Variants in EIF3M observed in about 807,000 individuals in gnomAD.
The protein encoded by EIF3M is eukaryotic translation initiation factor 3 subunit M, also known as B5 receptor.
Under a neutral mutation model 49.7 loss-of-function variants are expected in EIF3M, and 25 were observed. The observed-to-expected ratio is 0.50, with a 90% confidence interval of 0.37 to 0.70. The LOEUF is 0.70. Among genes scored for constraint, EIF3M ranks in the 30% least tolerant of loss-of-function variants. The pLI, the probability that EIF3M is intolerant of heterozygous loss-of-function variation, is 0.00. For missense variants in EIF3M, 350 were observed against 440.0 expected (o/e 0.80, Z 1.83); for synonymous variants, 156 against 149.8 (o/e 1.04, Z -0.30).
intron 8 of EIF3M, among the ~76,000 whole-genome samples, chr11:32,596,272 TAGAA>T (rs777993003): frequency 7.2e-5 from 11 of 151,952 alleles, no homozygotes; most frequent in Non-Finnish European, 1.3e-4. Flanking sequence ...GCATTTGTGA[TAGAA>T]AGAGAATGAA....
chr11:32,599,028 A>G (rs990723668), intron 8 of EIF3M, among the ~76,000 whole-genome samples: 1 of 151,996 alleles, frequency 6.6e-6, no homozygotes, highest in African/African-American at 2.4e-5. Flanking sequence ...TAATGTGTAT[A>G]TTTTTTATTT....
chr11:32,586,265 G>T (rs1364844097), intron 1 of EIF3M, among the ~76,000 whole-genome samples: 3 of 151,914 alleles, frequency 2.0e-5, no homozygotes, highest in African/African-American at 7.3e-5. Flanking sequence ...AAAAAAAACT[G>T]CGTTTGTTTG....
intron 5 of EIF3M, among the ~76,000 whole-genome samples, chr11:32,590,886 T>C (rs1855089790): frequency 6.6e-6 from 1 of 152,052 alleles, no homozygotes; most frequent in African/African-American, 2.4e-5. Flanking sequence ...AGTCTTGCTC[T>C]GTCGCCCAGG....
rs1365194729 is a variant in EIF3M at position 32,604,800 on chromosome 11, G to C, written c.*2401G>C. ...ATCTTTTTCAATTTGACCAGTAAAA[G>C]TGGCATGTTAGTAACATTGTCATTT... On this transcript the variant is annotated 3_prime_UTR_variant, in exon 11 of 11. Coordinates refer to ENST00000531120, the MANE Select transcript of EIF3M (RefSeq NM_006360.6). 6.6e-6 allele frequency: 1 copy of C among 152,194 alleles called. No individual in the cohort carries two copies. The highest frequency in any genetic ancestry group is 1.5e-5 in the Non-Finnish European group (1 of 68,028). The allele number at this position is 152,194 out of a possible 1,614,324, so 9.4% of individuals were successfully genotyped here.
At chr11:32,590,930 G>A (rs12277746) in intron 5 of EIF3M, among the ~76,000 whole-genome samples, 1,579 of 151,708 alleles carry the variant, frequency 0.01, 26 homozygotes, top group African/African-American at 0.036. Context: ...AGCTCACTGC[G>A]AGCTCCACCT....
chr11:32,588,818 GA>G (rs1324072113), intron 3 of EIF3M, 86 bp downstream of exon 3: 36 of 1,582,014 alleles, frequency 2.3e-5, no homozygotes, highest in South Asian at 1.6e-4. Context: ...AGGAATTCTG[GA>G]ACTTGACTCT....
chr11:32,600,677 TC>T lies in EIF3M; in HGVS notation c.800-11del. The T allele has an allele frequency of 6.2e-7, 1 of 1,601,474 alleles. No individual in the cohort carries two copies. Among genetic ancestry groups the T allele is most frequent in the Non-Finnish European group, 8.5e-7 (1 of 1,174,290 alleles). ...ATGAACACTCATCAGGCTTCACTAT[TC>T]TGTTTTCTAGGCCTGTTACATGAAC... is the stretch of plus-strand genomic sequence containing the variant. On this transcript the variant is annotated splice_polypyrimidine_tract_variant and intron_variant, in intron 8 of 10. Coordinates refer to ENST00000531120, the MANE Select transcript of EIF3M (RefSeq NM_006360.6).
chr11:32,591,346 A>T (rs1243318017), intron 5 of EIF3M, among the ~76,000 whole-genome samples: 2 of 152,212 alleles, frequency 1.3e-5, no homozygotes, highest in African/African-American at 4.8e-5. Flanking sequence ...GTGGTTTTTT[A>T]AAAGTTTTTC....
intron 4 of EIF3M, among the ~76,000 whole-genome samples, 190 bp from the exon 5 acceptor site, chr11:32,589,357 G>A (rs1855057531): frequency 6.6e-6 from 1 of 152,010 alleles, no homozygotes; most frequent in African/African-American, 2.4e-5. Flanking sequence ...TGTATTTTTA[G>A]TAGAGACGGG....
chr11:32,593,770 A>T (rs1341934645), intron 5 of EIF3M, 96 bp from the exon 6 acceptor site: 2 of 768,832 alleles, frequency 2.6e-6, no homozygotes, highest in African/African-American at 3.7e-5. Flanking sequence ...AGTCACCGTT[A>T]TAATGTCATC....
chr11:32,601,501 T>TAAAAA (rs60498109), intron 9 of EIF3M: 3 of 217,266 alleles, frequency 1.4e-5, no homozygotes, highest in East Asian at 1.1e-4. Context: ...TAGCATTCTT[T>TAAAAA]AAAAAAAAAA....
At chr11:32,584,170 A>G (rs1220603436) in intron 1 of EIF3M, 2 of 579,960 alleles carry the variant, frequency 3.4e-6, no homozygotes, top group Admixed American at 6.1e-5. Context: ...CGGCGTCGGG[A>G]CTCATTTCTG....
chr11:32,584,219 G>C, intron 1 of EIF3M: 1 of 460,302 alleles, frequency 2.2e-6, no homozygotes, highest in South Asian at 3.1e-5. Flanking sequence ...AATGATGTCT[G>C]CTTCCGTCCG....
chr11:32,589,758 CT>C (rs1855071471), intron 5 of EIF3M, 117 bp downstream of exon 5: 1 of 659,434 alleles, frequency 1.5e-6, no homozygotes, highest in Non-Finnish European at 2.5e-6. Flanking sequence ...CACAGAGTTG[CT>C]ATAAATCTAT....
chr11:32,595,839 A>G, intron 7 of EIF3M, 127 bp from the exon 8 acceptor site: 1 of 672,576 alleles, frequency 1.5e-6, no homozygotes, highest in Non-Finnish European at 2.4e-6. Flanking sequence ...AAACAGAATG[A>G]TATTTCTGCC....
At chr11:32,598,196 T>A (rs997225662) in intron 8 of EIF3M, among the ~76,000 whole-genome samples, 2 of 152,172 alleles carry the variant, frequency 1.3e-5, no homozygotes, top group African/African-American at 2.4e-5. Flanking sequence ...CCCCCATTGA[T>A]GTGTAATTGA....
At position 32,586,295 on chromosome 11, in the gene EIF3M, G is replaced by A. The variant is rs531882375; in HGVS notation, c.43-717G>A. Among the ~76,000 whole-genome samples, 3 of 152,266 alleles carry A rather than the reference G, an allele frequency of 2.0e-5. No individual in the cohort carries two copies. The East Asian group carries it at 5.8e-4, about 29-fold the overall frequency. On this transcript the variant is annotated intron_variant, in intron 1 of 10. Transcript: ENST00000531120. ...TGTTTGGCTGCCATAAAGAGTCCCA[G>A]AAGAAAAATGGAATAAATATATATA...
Position 32,605,604 on chromosome 11 carries a change from T to C in EIF3M, c.*3205T>C, listed in dbSNP as rs1459555727. The C allele has an allele frequency of 6.6e-6, 1 of 152,236 alleles. No homozygotes were observed. The highest frequency in any genetic ancestry group is 2.4e-5 in the African/African-American group (1 of 41,460). 9.4% of individuals were successfully genotyped at this position (152,236 alleles called of 1,614,324 possible). A position where few individuals can be genotyped will look rare whatever the true frequency, so the allele number is the denominator to read the frequency against. On this transcript the variant is annotated 3_prime_UTR_variant, in exon 11 of 11. Coordinates refer to ENST00000531120, the MANE Select transcript of EIF3M (RefSeq NM_006360.6). The stretch of plus-strand genomic sequence containing the variant: ...CAAAATCCTGATTCTTTGACTTTTT[T>C]ATCTTGATGATGGAAAGGAAGGACA...
At chr11:32,600,969 T>C in intron 9 of EIF3M, 137 bp downstream of exon 9, 1 of 1,112,258 alleles carries the variant, frequency 9.0e-7, no homozygotes, top group Non-Finnish European at 1.2e-6. Context: ...AGTAGATTAG[T>C]GGATATATTT....
Sources: allele counts gnomAD v4.1 joint callset (sites outside exome capture counted in the v4.1 genomes callset), GRCh38; gene constraint gnomAD v4.1.1; transcripts MANE v1.5; gene names NCBI Gene and HGNC (gene_info 2026-07-23, HGNC 2026-07-21).